Variants in DENND2A observed in about 807,000 individuals in gnomAD.
DENND2A encodes the protein DENN domain-containing protein 2A.
Under a neutral mutation model 105.3 loss-of-function variants are expected in DENND2A, and 53 were observed. The observed-to-expected ratio is 0.50, with a 90% CI of 0.40 to 0.63. The LOEUF (loss-of-function observed/expected upper bound fraction) is 0.63, where lower values mean the gene tolerates loss of function less well. DENND2A is among the 30% of genes least tolerant of loss of function. The pLI, the probability that DENND2A is intolerant of heterozygous loss-of-function variation, is 0.00. For synonymous variants in DENND2A, 522 were observed against 508.4 expected (o/e 1.03, Z -0.36); for missense variants, 1,138 against 1,279.6 (o/e 0.89, Z 1.69).
At chr7:140,637,116 T>C (rs1332928572) in intron 1 of DENND2A, among the ~76,000 whole-genome samples, 26 of 141,266 alleles carry the variant, frequency 1.8e-4, no homozygotes, top group Admixed American at 4.6e-4. Context: ...TCCCAAAGCG[T>C]TGGGATTACA....
chr7:140,621,502 T>A (rs989251226), intron 1 of DENND2A, among the ~76,000 whole-genome samples: 4 of 150,982 alleles, frequency 2.6e-5, no homozygotes. Flanking sequence ...AACTACATTG[T>A]ACACATCTGC....
At chr7:140,628,762 G>A (rs559660499) in intron 1 of DENND2A, among the ~76,000 whole-genome samples, 6 of 151,762 alleles carry the variant, frequency 4.0e-5, no homozygotes, top group African/African-American at 9.7e-5. Context: ...GGCTGGTCTC[G>A]AACTCCTGAC....
intron 4 of DENND2A, 74 bp from the exon 5 acceptor site, chr7:140,585,784 T>C (rs148795201): frequency 6.3e-7 from 1 of 1,597,598 alleles, no homozygotes; most frequent in East Asian, 2.2e-5. Context: ...CTGAGGTCAG[T>C]ATCTTGGCCT....
At position 140,559,251 on chromosome 7, in the gene DENND2A, G is replaced by A. The variant is rs574630406; in HGVS notation, c.1889+457C>T. On this transcript the variant is annotated intron_variant, in intron 10 of 19. Transcript: ENST00000496613. This position sits in a 1 kb window ranked among gnomAD's most constrained non-coding sequence, Gnocchi z 4.1. ...CTGCTGAGCCACCCTCAAGGAACGC[G>A]GTACCCCTTAAAGACAGGACCCGCA... 4.6e-5 allele frequency among the ~76,000 whole-genome samples: 7 copies of A among 152,140 alleles called. No homozygotes were observed. Among genetic ancestry groups the A allele is most frequent in the Non-Finnish European group, 1.0e-4 (7 of 68,024 alleles).
chr7:140,567,296 AAGAGAGAAAGAG>A (rs745664794), intron 8 of DENND2A, 23 bp from the exon 9 acceptor site: 14,407 of 815,590 alleles, frequency 0.018, 89 homozygotes, highest in African/African-American at 0.079. Flanking sequence ...GGGAGAGAGA[AAGAGAGAAAGAG>A]AGAGAGAGAG....
intron 1 of DENND2A, among the ~76,000 whole-genome samples, chr7:140,618,945 C>T (rs752337977): frequency 6.6e-6 from 1 of 152,112 alleles, no homozygotes; most frequent in Non-Finnish European, 1.5e-5. Flanking sequence ...ACTATAGGCG[C>T]CCGCCTCCAC....
At chr7:140,544,847 T>C (rs1585593445) in intron 13 of DENND2A, 81 bp from the exon 14 acceptor site, 1 of 1,539,942 alleles carries the variant, frequency 6.5e-7, no homozygotes, top group African/African-American at 1.4e-5. Flanking sequence ...GTCCCAGGGC[T>C]CTGAGGTCCT....
intron 14 of DENND2A, among the ~76,000 whole-genome samples, chr7:140,540,529 C>T (rs1277615626): frequency 6.6e-6 from 1 of 152,214 alleles, no homozygotes; most frequent in Non-Finnish European, 1.5e-5. Context: ...AGCCAAGGCC[C>T]AGGAATCCAG....
At chr7:140,557,531 A>ATATATATAT (rs1554467351) in intron 11 of DENND2A, among the ~76,000 whole-genome samples, 3 of 39,650 alleles carry the variant, frequency 7.6e-5, no homozygotes, top group African/African-American at 2.2e-4. Flanking sequence ...ATATATATAT[A>ATATATATAT]TTTTTTTTTT....
At chr7:140,626,001 G>T (rs925329511) in intron 1 of DENND2A, among the ~76,000 whole-genome samples, 3 of 152,154 alleles carry the variant, frequency 2.0e-5, no homozygotes, top group Admixed American at 2.0e-4. Context: ...AATGTTCACA[G>T]TAAGCTTACT....
rs534591251 is a variant in DENND2A at position 140,519,622 on chromosome 7, G to A, written c.2998+10C>T. On this transcript the variant is annotated intron_variant, in intron 19 of 19. Coordinates refer to ENST00000496613, the MANE Select transcript of DENND2A (RefSeq NM_015689.5). ...CACACAGGCTGGGCACCCAGAGCCCGGGGCCTTACCTAGTCCCTTCAGGAA... is the reference window on the plus strand; with the variant it reads ...CACACAGGCTGGGCACCCAGAGCCCAGGGCCTTACCTAGTCCCTTCAGGAA... 53 of 1,612,734 alleles carry A rather than the reference G, an allele frequency of 3.3e-5. No individual in the cohort carries two copies. Among genetic ancestry groups the A allele is most frequent in the Admixed American group, 1.8e-4 (11 of 59,964 alleles).
chr7:140,522,213 A>G, intron 17 of DENND2A, 113 bp from the exon 18 acceptor site: 1 of 1,362,268 alleles, frequency 7.3e-7, no homozygotes, highest in Non-Finnish European at 9.9e-7. Context: ...CCCTTGATGG[A>G]AACTGCGATT....
chr7:140,567,532 T>A (rs554981188), intron 8 of DENND2A, among the ~76,000 whole-genome samples: 139 of 152,316 alleles, frequency 9.1e-4, no homozygotes, highest in Middle Eastern at 3.4e-3. Flanking sequence ...AACATTCAGT[T>A]GGCTACCAAA....
chr7:140,601,862 G>T lies in DENND2A; in HGVS notation c.536C>A (p.Pro179His). 6.2e-7 allele frequency: 1 copy of T among 1,614,118 alleles called. No individual in the cohort carries two copies. The highest frequency in any genetic ancestry group is 8.5e-7 in the Non-Finnish European group (1 of 1,180,028). Reference sequence around the variant, plus strand: ...GGAGTAACAAGTCCCTGGTAACTGGGGATCCAGCCCTGCCGACCCATCCTT... The same window carrying T: ...GGAGTAACAAGTCCCTGGTAACTGGTGATCCAGCCCTGCCGACCCATCCTT... Reference protein sequence around the residue: ...ALKDGSAGLDPQLPGTCYSPH... With the variant: ...ALKDGSAGLDHQLPGTCYSPH... The change falls in exon 3 of 20, where the codon CCC (proline) becomes CAC (histidine). Residue 179 changes from proline to histidine, a missense_variant. Transcript: ENST00000496613.
chr7:140,587,755 G>A lies in DENND2A; in HGVS notation c.1021C>T (p.Leu341=), dbSNP rs765835840. 7.5e-6 allele frequency: 12 copies of A among 1,604,876 alleles called. No homozygotes were observed. Among genetic ancestry groups the A allele is most frequent in the African/African-American group, 1.3e-5 (1 of 74,758 alleles). The change falls in exon 4 of 20, where the codon CTG becomes TTG. Residue 341 remains leucine (L), a synonymous_variant. Transcript: ENST00000496613. ...CTGCTGCTCTCAGAGGAAGACTGCA[G>A]TAAATCTTCAAACTCATAGGACTTT... ...HRKSYEFEDL[L]QSSSESSRVD...
In DENND2A at chr7:140,559,248, C is replaced by T. The variant is rs893654123; in HGVS notation, c.1889+460G>A. Among the ~76,000 whole-genome samples the T allele has an allele frequency of 8.5e-5, 13 of 152,180 alleles. No individual in the cohort carries two copies. Among genetic ancestry groups the T allele is most frequent in the Middle Eastern group, 3.2e-3 (1 of 316 alleles). ...AGACTGCTGAGCCACCCTCAAGGAA[C>T]GCGGTACCCCTTAAAGACAGGACCC... On this transcript the variant is annotated intron_variant, in intron 10 of 19. Transcript: ENST00000496613. The surrounding 1 kb of genome is among the most constrained non-coding windows in gnomAD (Gnocchi z 4.1).
At chr7:140,562,676 A>AAAC (rs1554468990) in intron 9 of DENND2A, among the ~76,000 whole-genome samples, 1 of 142,006 alleles carries the variant, frequency 7.0e-6, no homozygotes, top group African/African-American at 3.0e-5. Context: ...CAAACAAACA[A>AAAC]AACAACAACA....
At position 140,602,266 on chromosome 7, in the gene DENND2A, G is replaced by A; in HGVS notation, c.132C>T (p.Leu44=). The part of the protein sequence containing the change: ...SARARPRHKS[L]NIKDKISEWE... ...ATTCTGATATCTTGTCCTTTATGTT[G>A]AGGGACTTGTGCCGGGGTCTGGCTC... The change falls in exon 3 of 20, where the codon CTC becomes CTT. Residue 44 remains leucine, a synonymous_variant. Coordinates refer to ENST00000496613, the MANE Select transcript of DENND2A (RefSeq NM_015689.5). 3 of 1,612,966 alleles carry A rather than the reference G, an allele frequency of 1.9e-6. No individual in the cohort carries two copies. The highest frequency in any genetic ancestry group is 2.5e-6 in the Non-Finnish European group (3 of 1,180,010).
chr7:140,610,355 C>T (rs1021851216), intron 1 of DENND2A, among the ~76,000 whole-genome samples: 1 of 150,730 alleles, frequency 6.6e-6, no homozygotes, highest in Non-Finnish European at 1.5e-5. Flanking sequence ...TTGGGTACTG[C>T]GGTCTACTCT....
Sources: allele counts gnomAD v4.1 joint callset (sites outside exome capture counted in the v4.1 genomes callset), GRCh38; gene constraint gnomAD v4.1.1; non-coding constraint Gnocchi (gnomAD v3.1); transcripts MANE v1.5; gene names NCBI Gene and HGNC (gene_info 2026-07-23, HGNC 2026-07-21).